Variants in CCDC3 observed in about 807,000 individuals in gnomAD.
CCDC3 encodes coiled-coil domain-containing protein 3.
A neutral mutation model predicts 21.4 loss-of-function variants in CCDC3; 24 were observed. That is an observed-to-expected ratio of 1.12 (90% CI 0.81 to 1.58). The LOEUF is 1.58. Among genes scored for constraint, CCDC3 ranks in the 40% most tolerant of loss-of-function variants. The pLI, the probability that CCDC3 is intolerant of heterozygous loss-of-function variation, is 0.00. For synonymous variants in CCDC3, 186 were observed against 166.0 expected, an observed-to-expected ratio of 1.12 and a Z score of -0.93; for missense variants, 425 against 360.9, an observed-to-expected ratio of 1.18 and a Z score of -1.44.
chr10:12,955,693 T>C (rs1835072573), intron 2 of CCDC3, among the ~76,000 whole-genome samples: 3 of 151,544 alleles, frequency 2.0e-5, no homozygotes, highest in South Asian at 4.2e-4. Flanking sequence ...GCTGGTATTA[T>C]AGGTGTGTGC....
chr10:12,940,714 T>C (rs1337207454), intron 2 of CCDC3, among the ~76,000 whole-genome samples: 1 of 152,224 alleles, frequency 6.6e-6, no homozygotes, highest in African/African-American at 2.4e-5. Context: ...CCCTTCTCCC[T>C]TGCCTTCTGC....
chr10:12,900,404 T>C (rs1029343883), intron 2 of CCDC3, among the ~76,000 whole-genome samples: 3 of 150,350 alleles, frequency 2.0e-5, no homozygotes, highest in Non-Finnish European at 3.0e-5. Context: ...CCGGGCTGGG[T>C]GTGGTGGCTC....
intron 3 of CCDC3, among the ~76,000 whole-genome samples, chr10:13,075,524 C>G (rs1278170074): frequency 6.6e-6 from 1 of 151,508 alleles, no homozygotes; most frequent in Non-Finnish European, 1.5e-5. Context: ...CTCTTCCCAC[C>G]GCTAAAGTAT....
At chr10:13,052,715 G>A (rs547065284) in intron 4 of CCDC3, among the ~76,000 whole-genome samples, 24 of 152,154 alleles carry the variant, frequency 1.6e-4, no homozygotes, top group Middle Eastern at 3.4e-3. Flanking sequence ...TGAGGCAGGC[G>A]GATCACTTGA....
intron 5 of CCDC3, among the ~76,000 whole-genome samples, chr10:13,026,895 A>T (rs979551114): frequency 2.0e-5 from 3 of 152,094 alleles, no homozygotes; most frequent in Admixed American, 2.0e-4. Flanking sequence ...GCCGCCCCCG[A>T]GGGTGTTGTT....
chr10:13,015,697 A>T lies in CCDC3; in HGVS notation c.-1-17185T>A, dbSNP rs541031209. Among the ~76,000 whole-genome samples the T allele has an allele frequency of 4.3e-4, 66 of 152,172 alleles. 1 individual carries two copies. Among genetic ancestry groups the T allele is most frequent in the African/African-American group, 1.6e-3 (66 of 41,532 alleles). On this transcript the variant is annotated intron_variant, in intron 5 of 6. Coordinates refer to the CCDC3 transcript ENST00000378839. ...ATCAGACACTGGAAAGATTCTGGAG[A>T]TAGAAACAGACGTGACACAATTTCT...
At chr10:13,063,465 C>T (rs992509412) in intron 4 of CCDC3, among the ~76,000 whole-genome samples, 18 of 152,164 alleles carry the variant, frequency 1.2e-4, no homozygotes, top group Non-Finnish European at 1.5e-5. Flanking sequence ...CTAACACAAC[C>T]TTCTCTAGGG....
At chr10:13,010,263 CA>C (rs1181527549) in intron 5 of CCDC3, among the ~76,000 whole-genome samples, 1 of 151,658 alleles carries the variant, frequency 6.6e-6, no homozygotes, top group Non-Finnish European at 1.5e-5. Flanking sequence ...AACAAAAAAA[CA>C]AAAAACACTC....
At chr10:13,042,256 C>T (rs1000123905) in intron 5 of CCDC3, among the ~76,000 whole-genome samples, 3 of 152,330 alleles carry the variant, frequency 2.0e-5, no homozygotes, top group East Asian at 3.9e-4. Flanking sequence ...TTGAAAACTG[C>T]AAATCTGCAA....
intron 2 of CCDC3, among the ~76,000 whole-genome samples, chr10:12,931,906 G>C (rs1430759018): frequency 6.6e-6 from 1 of 152,098 alleles, no homozygotes; most frequent in Non-Finnish European, 1.5e-5. Flanking sequence ...TATTTGGGTG[G>C]GAAAATATTA....
chr10:13,038,103 A>T (rs1248405131), intron 5 of CCDC3, among the ~76,000 whole-genome samples: 1 of 152,162 alleles, frequency 6.6e-6, no homozygotes, highest in Non-Finnish European at 1.5e-5. Flanking sequence ...CAAACTAATG[A>T]GGAACAGAAA....
At chr10:13,002,625 C>T (rs761772783), upstream of CCDC3, among the ~76,000 whole-genome samples, 2 of 152,190 alleles carry the variant, frequency 1.3e-5, no homozygotes, top group Non-Finnish European at 2.9e-5. Flanking sequence ...ATCGATCCTC[C>T]CACCTCAGCC....
intron 2 of CCDC3, among the ~76,000 whole-genome samples, chr10:12,940,168 G>C (rs1195707123): frequency 3.3e-5 from 5 of 149,558 alleles, no homozygotes; most frequent in Admixed American, 6.7e-5. Flanking sequence ...GACTATTTCA[G>C]TTACAGAAGC....
At chr10:12,977,283 G>C (rs1835430997) in intron 2 of CCDC3, among the ~76,000 whole-genome samples, 1 of 144,278 alleles carries the variant, frequency 6.9e-6, no homozygotes, top group Non-Finnish European at 1.5e-5. Flanking sequence ...TCAAAAAAAA[G>C]GAAAAGAAAG....
At chr10:13,076,019 G>A (rs1330089154) in intron 3 of CCDC3, among the ~76,000 whole-genome samples, 1 of 152,104 alleles carries the variant, frequency 6.6e-6, no homozygotes, top group Non-Finnish European at 1.5e-5. Flanking sequence ...CCAAGATTGT[G>A]CCAGTGCACT....
chr10:13,038,984 T>A (rs1158964204), intron 5 of CCDC3, among the ~76,000 whole-genome samples: 3 of 152,164 alleles, frequency 2.0e-5, no homozygotes, highest in Non-Finnish European at 2.9e-5. Context: ...TAAACAGGGG[T>A]CCCTGGAGTA....
chr10:12,933,069 C>T (rs1323127268), intron 2 of CCDC3, among the ~76,000 whole-genome samples: 1 of 152,142 alleles, frequency 6.6e-6, no homozygotes, highest in Non-Finnish European at 1.5e-5. Flanking sequence ...CAAACAGCAT[C>T]ATGTTGATTT....
At position 12,970,700 on chromosome 10, in the gene CCDC3, G is replaced by C. The variant is rs540434608; in HGVS notation, c.549+27638C>G. ...CAAGAGTTCGAGACTAACCTGGCCA[G>C]CATGGTGAAACCCTGTCTTTACCAA... On this transcript the variant is annotated intron_variant, in intron 2 of 2. Coordinates refer to ENST00000378825, the MANE Select transcript of CCDC3 (RefSeq NM_031455.4). Among the ~76,000 whole-genome samples the C allele has an allele frequency of 5.3e-5, 8 of 152,234 alleles. No individual in the cohort carries two copies. In the East Asian group the frequency reaches 1.4e-3, roughly 26 times the overall value.
Position 12,896,912 on chromosome 10 carries a change from C to A in CCDC3, c.*1504G>T, listed in dbSNP as rs1391825675. 1.3e-5 allele frequency: 2 copies of A among 152,328 alleles called. No individual in the cohort carries two copies. Among genetic ancestry groups the A allele is most frequent in the African/African-American group, 4.8e-5 (2 of 41,456 alleles). 9.4% of individuals were successfully genotyped at this position (152,328 alleles called of 1,614,324 possible). A position where few individuals can be genotyped will look rare whatever the true frequency, so the allele number is the denominator to read the frequency against. ...AGTCTCTCTTCTGTCCAGTCCAGAG[C>A]AGAGACTTCTCCCCCGTGGACAGCA... On this transcript the variant is annotated 3_prime_UTR_variant, in exon 3 of 3. Coordinates refer to ENST00000378825, the MANE Select transcript of CCDC3 (RefSeq NM_031455.4).
Sources: allele counts gnomAD v4.1 joint callset (sites outside exome capture counted in the v4.1 genomes callset), GRCh38; gene constraint gnomAD v4.1.1; transcripts MANE v1.5; gene names NCBI Gene and HGNC (gene_info 2026-07-23, HGNC 2026-07-21).